The following DEPDC1B variants were observed in gnomAD, a reference collection of about 807,000 sequenced individuals.
DEPDC1B encodes DEP domain-containing protein 1B.
A neutral mutation model predicts 66.5 loss-of-function variants in DEPDC1B; 51 were observed. That is an observed-to-expected ratio of 0.77 (90% confidence interval 0.61 to 0.97). DEPDC1B has a LOEUF of 0.97. Among genes scored for constraint, DEPDC1B ranks in the 50% least tolerant of loss-of-function variants. The pLI is 0.00. For synonymous variants in DEPDC1B, 226 were observed against 223.6 expected, an observed-to-expected ratio of 1.01 and a Z score of -0.10; for missense variants, 552 against 637.1, an observed-to-expected ratio of 0.87 and a Z score of 1.44.
At chr5:60,686,229 A>G (rs966605654) in intron 2 of DEPDC1B, among the ~76,000 whole-genome samples, 14 of 152,166 alleles carry the variant, frequency 9.2e-5, no homozygotes, top group Admixed American at 2.0e-4. Flanking sequence ...AAGGGTCCAT[A>G]TTCTCCATTC....
intron 7 of DEPDC1B, among the ~76,000 whole-genome samples, chr5:60,637,321 C>T (rs1435060899): frequency 6.6e-6 from 1 of 152,102 alleles, no homozygotes; most frequent in African/African-American, 2.4e-5. Context: ...CTCCCAAGAT[C>T]TAGTTATTTT....
intron 2 of DEPDC1B, 39 bp from the exon 3 acceptor site, chr5:60,647,572 T>C (rs771391328): frequency 1.3e-6 from 2 of 1,592,426 alleles, no homozygotes; most frequent in East Asian, 4.5e-5. Context: ...CTGCAGTCAG[T>C]GGGAGACACA....
intron 7 of DEPDC1B, among the ~76,000 whole-genome samples, chr5:60,618,211 C>T (rs1211157146): frequency 1.3e-5 from 2 of 152,012 alleles, no homozygotes; most frequent in African/African-American, 4.8e-5. Context: ...GACACCCTAA[C>T]ATCACAATTA....
chr5:60,650,387 G>T (rs1753417469), intron 2 of DEPDC1B, among the ~76,000 whole-genome samples: 2 of 152,206 alleles, frequency 1.3e-5, no homozygotes, highest in Admixed American at 1.3e-4. Context: ...TTTAGGGCCG[G>T]ATAGTTCTTT....
At chr5:60,647,596 T>C (rs952777998) in intron 2 of DEPDC1B, 63 bp from the exon 3 acceptor site, 3 of 1,541,230 alleles carry the variant, frequency 1.9e-6, no homozygotes, top group African/African-American at 1.4e-5. Context: ...ATTTTAACAA[T>C]AGTCTCCACT....
At chr5:60,605,107 T>C (rs1209926123) in intron 8 of DEPDC1B, among the ~76,000 whole-genome samples, 1 of 152,158 alleles carries the variant, frequency 6.6e-6, no homozygotes, top group Non-Finnish European at 1.5e-5. Context: ...TTTAAAAACA[T>C]ATGCCAATAG....
At chr5:60,614,558 T>C (rs570525005) in intron 7 of DEPDC1B, among the ~76,000 whole-genome samples, 30 of 152,258 alleles carry the variant, frequency 2.0e-4, no homozygotes, top group Non-Finnish European at 3.8e-4. Flanking sequence ...TCTCTTCTCT[T>C]TTTTTTAATT....
chr5:60,617,181 T>A (rs962796501), intron 7 of DEPDC1B, among the ~76,000 whole-genome samples: 1 of 152,180 alleles, frequency 6.6e-6, no homozygotes, highest in African/African-American at 2.4e-5. Context: ...CACTGCAAAA[T>A]CATGCCAAAT....
chr5:60,642,158 A>T (rs1039784243), intron 6 of DEPDC1B, among the ~76,000 whole-genome samples: 1 of 152,230 alleles, frequency 6.6e-6, no homozygotes, highest in Non-Finnish European at 1.5e-5. Flanking sequence ...AATGAAAATG[A>T]ACTACTACCT....
At chr5:60,669,091 T>A (rs908551309) in intron 2 of DEPDC1B, among the ~76,000 whole-genome samples, 3 of 152,192 alleles carry the variant, frequency 2.0e-5, no homozygotes, top group African/African-American at 7.2e-5. Flanking sequence ...CCACCACCAC[T>A]GCCAAATATT....
intron 7 of DEPDC1B, among the ~76,000 whole-genome samples, chr5:60,619,006 T>C (rs1191570631): frequency 6.6e-6 from 1 of 152,104 alleles, no homozygotes; most frequent in Non-Finnish European, 1.5e-5. Context: ...ATAAACGTAA[T>C]CCAGCATATA....
intron 6 of DEPDC1B, 110 bp downstream of exon 6, chr5:60,642,702 C>T: frequency 2.8e-6 from 2 of 714,312 alleles, no homozygotes. Context: ...AATTAACTGC[C>T]AGTCTCACAG....
At chr5:60,645,273 T>C (rs1753285766) in intron 4 of DEPDC1B, among the ~76,000 whole-genome samples, 1 of 152,208 alleles carries the variant, frequency 6.6e-6, no homozygotes, top group African/African-American at 2.4e-5. Flanking sequence ...TTATGTGTCT[T>C]ATTACTCTTA....
intron 2 of DEPDC1B, among the ~76,000 whole-genome samples, chr5:60,671,132 C>T (rs987866068): frequency 6.6e-6 from 1 of 152,106 alleles, no homozygotes; most frequent in Non-Finnish European, 1.5e-5. Flanking sequence ...CCAGGTAAGG[C>T]ACCCAAGGCC....
chr5:60,652,894 G>C (rs1310778446), intron 2 of DEPDC1B, among the ~76,000 whole-genome samples: 3 of 149,156 alleles, frequency 2.0e-5, no homozygotes, highest in African/African-American at 7.6e-5. Context: ...TTAGAATAAT[G>C]GTCTCCAATT....
intron 2 of DEPDC1B, among the ~76,000 whole-genome samples, chr5:60,651,312 G>A (rs1355620692): frequency 6.6e-6 from 1 of 152,146 alleles, no homozygotes; most frequent in African/African-American, 2.4e-5. Flanking sequence ...TGGATTGTCT[G>A]AGGTCAGGAA....
chr5:60,609,297 C>T (rs1752370568), intron 7 of DEPDC1B, among the ~76,000 whole-genome samples: 1 of 152,114 alleles, frequency 6.6e-6, no homozygotes, highest in Non-Finnish European at 1.5e-5. Context: ...CCTTTTCCTC[C>T]CTCCTGTCAC....
intron 7 of DEPDC1B, among the ~76,000 whole-genome samples, chr5:60,613,521 G>A (rs1489367767): frequency 6.6e-6 from 1 of 152,186 alleles, no homozygotes; most frequent in Non-Finnish European, 1.5e-5. Flanking sequence ...TGAACGAACA[G>A]AAGCCATCAC....
At chr5:60,606,783 T>C (rs1226508729) in intron 7 of DEPDC1B, among the ~76,000 whole-genome samples, 4 of 139,438 alleles carry the variant, frequency 2.9e-5, no homozygotes, top group East Asian at 2.0e-4. Context: ...ACCTGTCTCT[T>C]TTTTTTTTTT....
Sources: gnomAD v4.1 joint callset for allele counts (sites outside exome capture counted in the v4.1 genomes callset) on GRCh38, gnomAD v4.1.1 for gene constraint, MANE v1.5 for transcripts, NCBI Gene and HGNC (gene_info 2026-07-23, HGNC 2026-07-21) for gene names.